Variants in SLC27A6 observed in about 807,000 individuals in gnomAD.
SLC27A6 encodes long-chain fatty acid transport protein 6.
Under a neutral mutation model 63.9 loss-of-function variants are expected in SLC27A6, and 74 were observed. The ratio of observed to expected loss-of-function variants is 1.16; its 90% CI spans 0.96 to 1.40. SLC27A6 has a LOEUF of 1.40. Among genes scored for constraint, SLC27A6 ranks in the 40% most tolerant of loss-of-function variants. The pLI is 0.00. For synonymous variants in SLC27A6, 287 were observed against 260.8 expected (o/e 1.10, Z -0.97); for missense variants, 794 against 732.9 (o/e 1.08, Z -0.96).
chr5:128,979,393 C>A (rs1750505036), intron 1 of SLC27A6, among the ~76,000 whole-genome samples: 1 of 152,132 alleles, frequency 6.6e-6, no homozygotes. Flanking sequence ...GAAGAAGGTT[C>A]TTCTACTGTT....
intron 4 of SLC27A6, among the ~76,000 whole-genome samples, chr5:129,001,534 C>T (rs1424199289): frequency 2.6e-5 from 4 of 152,138 alleles, no homozygotes; most frequent in Non-Finnish European, 4.4e-5. Context: ...GTCTTATAAT[C>T]CCTAACATAT....
At chr5:128,987,617 A>G (rs933120546) in intron 2 of SLC27A6, among the ~76,000 whole-genome samples, 23 of 152,176 alleles carry the variant, frequency 1.5e-4, no homozygotes, top group Admixed American at 1.5e-3. Context: ...TATAAAAATA[A>G]CATACTACAA....
At chr5:129,009,461 AAT>A (rs1209833897) in intron 4 of SLC27A6, among the ~76,000 whole-genome samples, 2 of 152,172 alleles carry the variant, frequency 1.3e-5, no homozygotes, top group East Asian at 3.8e-4. Flanking sequence ...ATAGTTTAAA[AAT>A]ATGTTTATAA....
At chr5:129,007,877 G>A (rs1282315259) in intron 4 of SLC27A6, among the ~76,000 whole-genome samples, 2 of 152,158 alleles carry the variant, frequency 1.3e-5, no homozygotes, top group African/African-American at 4.8e-5. Flanking sequence ...TGATGAAGGG[G>A]TAAATTGTGG....
At chr5:128,995,416 T>C (rs1170341175) in intron 4 of SLC27A6, among the ~76,000 whole-genome samples, 4 of 152,188 alleles carry the variant, frequency 2.6e-5, no homozygotes, top group Admixed American at 2.6e-4. Flanking sequence ...ATTTATACTC[T>C]CTTTGATGAG....
intron 1 of SLC27A6, among the ~76,000 whole-genome samples, chr5:128,973,967 G>T (rs190793827): frequency 4.6e-5 from 7 of 152,194 alleles, no homozygotes; most frequent in Non-Finnish European, 1.0e-4. Context: ...ATTACGGGAG[G>T]AAAGGGTCTA....
chr5:129,007,938 A>G (rs1751598955), intron 4 of SLC27A6, among the ~76,000 whole-genome samples: 1 of 152,048 alleles, frequency 6.6e-6, no homozygotes. Context: ...TTGAATGATA[A>G]CAATTTGGAA....
intron 1 of SLC27A6, among the ~76,000 whole-genome samples, chr5:128,977,678 C>T (rs967612700): frequency 2.6e-5 from 4 of 152,122 alleles, no homozygotes; most frequent in African/African-American, 7.2e-5. Context: ...AGGCTTCCCT[C>T]GTCCTTAAAA....
chr5:129,010,997 T>C (rs917321138), intron 4 of SLC27A6, among the ~76,000 whole-genome samples: 6 of 152,202 alleles, frequency 3.9e-5, no homozygotes, highest in Admixed American at 2.6e-4. Flanking sequence ...AGAAAACTAA[T>C]AGAAGACTAT....
Position 128,979,221 on chromosome 5 carries a change from C to T in SLC27A6, c.482-5912C>T, listed in dbSNP as rs138793162. Among the ~76,000 whole-genome samples the T allele has an allele frequency of 2.2e-3, 282 of 125,652 alleles. 3 individuals are homozygous for T. The highest frequency in any genetic ancestry group is 7.2e-3 in the African/African-American group (267 of 37,008). The allele number at this position is 125,652 out of a possible 152,430, so 82.4% of individuals were successfully genotyped here. A position where few individuals can be genotyped will look rare whatever the true frequency, so the allele number is the denominator to read the frequency against. On this transcript the variant is annotated intron_variant, in intron 1 of 9. Transcript: ENST00000262462. ...GATTTGTTGTATGGAGGGAAACCCA[C>T]GTAGTGTGTTACACAACCTTAGTGA...
chr5:129,002,574 G>A (rs896276279), intron 4 of SLC27A6, among the ~76,000 whole-genome samples: 1 of 124,050 alleles, frequency 8.1e-6, no homozygotes, highest in African/African-American at 3.1e-5. Context: ...TCGTTCCTTC[G>A]TTCCTTCCTT....
chr5:129,017,223 G>A (rs1373813054), intron 5 of SLC27A6, among the ~76,000 whole-genome samples: 2 of 151,986 alleles, frequency 1.3e-5, no homozygotes, highest in East Asian at 1.9e-4. Context: ...TCAAAGGATT[G>A]AATATATATA....
chr5:128,982,852 A>T (rs987524175), intron 1 of SLC27A6, among the ~76,000 whole-genome samples: 24 of 152,212 alleles, frequency 1.6e-4, no homozygotes, highest in Non-Finnish European at 3.2e-4. Context: ...TATAGAAATA[A>T]AAATTAATAA....
rs910406810 is a variant in SLC27A6 at position 128,985,015 on chromosome 5, G to A, written c.482-118G>A. On this transcript the variant is annotated intron_variant, in intron 1 of 9. Transcript: ENST00000262462. ...CTGTGATATTACTTATCCAACATAA[G>A]AAGGAAATCAGCATTTTATTTACAT... 9.1e-5 allele frequency: 63 copies of A among 693,026 alleles called. No individual in the cohort carries two copies. In the South Asian group the frequency reaches 1.1e-3, roughly 12 times the overall value. 42.9% of individuals were successfully genotyped at this position (693,026 alleles called of 1,614,324 possible).
Position 128,965,735 on chromosome 5 carries a change from A to T in SLC27A6, c.-403A>T. The T allele has an allele frequency of 5.9e-6, 1 of 168,952 alleles. No individual in the cohort carries two copies. 10.5% of individuals were successfully genotyped at this position (168,952 alleles called of 1,614,324 possible). On this transcript the variant is annotated 5_prime_UTR_variant, in exon 1 of 10. Transcript: ENST00000262462. ...TCGCAGAAGCAGGGAGGACTGACTC[A>T]GCCCTCACAGAGAAGAGGTCTGGAA...
Position 128,985,442 on chromosome 5 carries a change from A to C in SLC27A6, c.685+106A>C, listed in dbSNP as rs559535619. On this transcript the variant is annotated intron_variant, in intron 2 of 9. Transcript: ENST00000262462. ...GTAGTGACCAACCATCTGAGAATGC[A>C]TGCTTGCAAGAAGATGTAAGGATCT... The C allele has an allele frequency of 1.2e-4, 97 of 831,856 alleles. No individual in the cohort carries two copies. In the African/African-American group the frequency reaches 1.5e-3, roughly 12 times the overall value. 51.5% of individuals were successfully genotyped at this position (831,856 alleles called of 1,614,324 possible).
In SLC27A6 at chr5:128,991,117, G is replaced by T. The variant is rs756823269; in HGVS notation, c.969+653G>T. Among the ~76,000 whole-genome samples, 3 of 152,336 alleles carry T rather than the reference G, an allele frequency of 2.0e-5. No homozygotes were observed. The South Asian group carries it at 6.2e-4, about 32-fold the overall frequency. The stretch of plus-strand genomic sequence containing the variant: ...GCTCAAATGCCTGGGTTTATATCTG[G>T]ATCTTTGTCCCTCCCCCTGTGCTCT... On this transcript the variant is annotated intron_variant, in intron 4 of 9. Coordinates refer to ENST00000262462, the MANE Select transcript of SLC27A6 (RefSeq NM_001017372.3).
chr5:129,003,967 CAAAAAAAAAAAA>C (rs779667758), intron 4 of SLC27A6, among the ~76,000 whole-genome samples: 1 of 69,426 alleles, frequency 1.4e-5, no homozygotes, highest in Non-Finnish European at 2.8e-5. Flanking sequence ...GACCCTGTCT[CAAAAAAAAAAAA>C]AAAAAAAAAG....
Position 129,016,040 on chromosome 5 carries a change from G to A in SLC27A6, c.1125G>A (p.Gly375=), listed in dbSNP as rs1751879400. ...ESSISFMNYT[G]RIGAIGRTNL... ...GCATATCTTTCATGAACTACACTGG[G>A]AGAATTGGAGCAATTGGGAGAACAA... Residue 375 remains glycine (G), a synonymous_variant, in exon 5 of 10, where the codon GGG becomes GGA. Transcript: ENST00000262462. 6.9e-6 allele frequency: 11 copies of A among 1,595,956 alleles called. No homozygotes were observed. Among genetic ancestry groups the A allele is most frequent in the South Asian group, 1.1e-5 (1 of 88,114 alleles).
Sources: allele counts gnomAD v4.1 joint callset (sites outside exome capture counted in the v4.1 genomes callset), GRCh38; gene constraint gnomAD v4.1.1; transcripts MANE v1.5; gene names NCBI Gene and HGNC (gene_info 2026-07-23, HGNC 2026-07-21).